Variants in HLCS observed in about 807,000 individuals in gnomAD.
HLCS encodes the protein holocarboxylase synthetase, also known as biotin--protein ligase.
In HLCS, 53 loss-of-function variants were observed where a neutral mutation model predicts 75.0. The observed-to-expected ratio is 0.71, with a 90% CI of 0.57 to 0.89. The LOEUF is 0.89. HLCS is among the 40% of genes least tolerant of loss of function. The probability of loss-of-function intolerance (pLI) is 0.00; values close to 1 mark genes in which losing one functional copy is unlikely to be tolerated. For missense variants in HLCS, 966 were observed against 1,074.0 expected (o/e 0.90, Z 1.41); for synonymous variants, 431 against 428.6 (o/e 1.01, Z -0.07).
chr21:36,827,749 T>G (rs1194235882), intron 6 of HLCS, among the ~76,000 whole-genome samples: 3 of 151,824 alleles, frequency 2.0e-5, no homozygotes, highest in African/African-American at 7.3e-5. Context: ...GGATTTTCTT[T>G]AAATTATACC....
intron 10 of HLCS, 109 bp from the exon 11 acceptor site, chr21:36,754,526 G>T: frequency 1.8e-6 from 2 of 1,142,152 alleles, no homozygotes; most frequent in Non-Finnish European, 2.5e-6. Context: ...TGGGGAGAGG[G>T]CTGAGGCTCG....
chr21:36,865,180 G>A (rs989095194), intron 6 of HLCS, among the ~76,000 whole-genome samples: 3 of 151,890 alleles, frequency 2.0e-5, no homozygotes, highest in Non-Finnish European at 2.9e-5. Context: ...ACATCTGCTC[G>A]GGCGGATCAA....
At chr21:36,841,726 T>C (rs2062623517) in intron 6 of HLCS, among the ~76,000 whole-genome samples, 2 of 152,250 alleles carry the variant, frequency 1.3e-5, no homozygotes, top group African/African-American at 4.8e-5. Context: ...GGCAAACGCC[T>C]GGCTTCACAG....
In HLCS at chr21:36,896,896, G is replaced by C. The variant is rs767190021; in HGVS notation, c.1856C>G (p.Ala619Gly). 7.4e-6 allele frequency: 12 copies of C among 1,613,992 alleles called. No individual in the cohort carries two copies. The highest frequency in any genetic ancestry group is 1.7e-5 in the Admixed American group (1 of 59,978). Residue 619 changes from alanine (A) to glycine (G), a missense_variant, in exon 6 of 11, where the codon GCC becomes GGC. Coordinates refer to ENST00000674895, the MANE Select transcript of HLCS (RefSeq NM_001352514.2). ...TKQLGKVILF[A>G]EVTPTTMRLL... ...ACGCATCGTTGTGGGGGTCACTTCG[G>C]CAAACAAAATTACTTTCCCCAACTG...
chr21:36,823,603 C>T (rs1443701861), intron 6 of HLCS, among the ~76,000 whole-genome samples: 4 of 90,044 alleles, frequency 4.4e-5, no homozygotes, highest in East Asian at 2.3e-4. Flanking sequence ...CAGCTTCAAA[C>T]GTGCAGGGTG....
At chr21:36,856,603 T>TA (rs1437737109) in intron 6 of HLCS, among the ~76,000 whole-genome samples, 5 of 151,518 alleles carry the variant, frequency 3.3e-5, no homozygotes, top group Admixed American at 2.6e-4. Flanking sequence ...TAAGAAAGCA[T>TA]AAAAACATAA....
At chr21:36,885,566 G>C (rs1474707701) in intron 6 of HLCS, among the ~76,000 whole-genome samples, 1 of 151,572 alleles carries the variant, frequency 6.6e-6, no homozygotes, top group Non-Finnish European at 1.5e-5. Context: ...ACACCAATCT[G>C]TTTCATGGAC....
chr21:36,818,839 C>T (rs1451227213), intron 6 of HLCS, among the ~76,000 whole-genome samples: 1 of 152,168 alleles, frequency 6.6e-6, no homozygotes, highest in Admixed American at 6.5e-5. Flanking sequence ...TTTACTGCAG[C>T]TATCCTTACA....
At chr21:36,891,568 C>T (rs1306917804) in intron 6 of HLCS, among the ~76,000 whole-genome samples, 2 of 152,114 alleles carry the variant, frequency 1.3e-5, no homozygotes, top group Non-Finnish European at 2.9e-5. Flanking sequence ...TGCTGACTGC[C>T]GCAGCAAAAC....
chr21:36,761,895 G>A (rs1283181869), intron 8 of HLCS, among the ~76,000 whole-genome samples: 1 of 152,326 alleles, frequency 6.6e-6, no homozygotes. Context: ...CCTCCGCCAC[G>A]TGCGTGGCAG....
At chr21:36,769,847 C>A (rs2090170367) in intron 6 of HLCS, among the ~76,000 whole-genome samples, 1 of 152,118 alleles carries the variant, frequency 6.6e-6, no homozygotes, top group South Asian at 2.1e-4. Context: ...TAAGACAGGC[C>A]AGCATGAATT....
intron 6 of HLCS, among the ~76,000 whole-genome samples, chr21:36,846,366 C>T (rs957451226): frequency 3.3e-5 from 5 of 152,116 alleles, no homozygotes; most frequent in East Asian, 1.9e-4. Context: ...CAATAAATGT[C>T]GAGGTCCTCT....
chr21:36,887,195 T>C (rs566842039), intron 6 of HLCS, among the ~76,000 whole-genome samples: 1 of 151,964 alleles, frequency 6.6e-6, no homozygotes, highest in African/African-American at 2.4e-5. Flanking sequence ...GGGTAGCACC[T>C]TGATCTCAGA....
intron 6 of HLCS, among the ~76,000 whole-genome samples, chr21:36,829,412 A>AT (rs1198746528): frequency 6.6e-6 from 1 of 152,216 alleles, no homozygotes; most frequent in Non-Finnish European, 1.5e-5. Flanking sequence ...AAGTTGACAC[A>AT]TTCCAATTTT....
At chr21:36,904,675 T>C (rs1031812804) in intron 5 of HLCS, among the ~76,000 whole-genome samples, 1 of 152,190 alleles carries the variant, frequency 6.6e-6, no homozygotes, top group African/African-American at 2.4e-5. Context: ...AACATAAAAA[T>C]TCTGAATAAA....
chr21:36,856,053 G>A (rs940843837), intron 6 of HLCS, among the ~76,000 whole-genome samples: 3 of 152,160 alleles, frequency 2.0e-5, no homozygotes, highest in Non-Finnish European at 4.4e-5. Context: ...GTGACACCCA[G>A]GGCTGGTGGG....
At chr21:36,811,741 G>T (rs1041444933) in intron 6 of HLCS, among the ~76,000 whole-genome samples, 1 of 152,160 alleles carries the variant, frequency 6.6e-6, no homozygotes, top group East Asian at 1.9e-4. Context: ...CAATGCTCTG[G>T]TCATAATTAG....
chr21:36,945,635 C>T (rs894117154), intron 2 of HLCS, among the ~76,000 whole-genome samples: 8 of 152,116 alleles, frequency 5.3e-5, no homozygotes, highest in African/African-American at 9.7e-5. Flanking sequence ...AAAGTAGATT[C>T]GCGGTTGCCA....
intron 6 of HLCS, among the ~76,000 whole-genome samples, chr21:36,820,347 G>T (rs947744656): frequency 6.6e-6 from 1 of 152,322 alleles, no homozygotes; most frequent in Admixed American, 6.5e-5. Context: ...TCTCCCAGGC[G>T]CAGCTGCTGC....
Sources: allele counts gnomAD v4.1 joint callset (sites outside exome capture counted in the v4.1 genomes callset), GRCh38; gene constraint gnomAD v4.1.1; transcripts MANE v1.5; gene names NCBI Gene and HGNC (gene_info 2026-07-23, HGNC 2026-07-21).